PREP: variants seen among roughly 807,000 people sequenced by gnomAD.
PREP encodes dJ355L5.1 (prolyl endopeptidase).
Under a neutral mutation model 87.6 loss-of-function variants are expected in PREP, and 29 were observed. The observed-to-expected ratio is 0.33, with a 90% confidence interval of 0.25 to 0.45. PREP has a LOEUF of 0.45. PREP is among the 20% of genes least tolerant of loss of function. The pLI is 1.00. For missense variants in PREP, 695 were observed against 886.5 expected (o/e 0.78, Z 2.74); for synonymous variants, 337 against 328.6 (o/e 1.03, Z -0.28).
chr6:105,284,302 G>C (rs1407289), intron 12 of PREP, among the ~76,000 whole-genome samples: 3,323 of 152,248 alleles, frequency 0.022, 114 homozygotes, highest in African/African-American at 0.067. Flanking sequence ...GGAGTCTGCT[G>C]TCAGCCCCTG....
intron 2 of PREP, among the ~76,000 whole-genome samples, chr6:105,380,031 G>T (rs1772795229): frequency 6.6e-6 from 1 of 152,186 alleles, no homozygotes; most frequent in Non-Finnish European, 1.5e-5. Flanking sequence ...ATGGCAATTT[G>T]ACATTACTAT....
Position 105,288,828 on chromosome 6 carries a change from A to G in PREP, c.1384T>C (p.Leu462=), listed in dbSNP as rs1770241575. 1 of 1,614,020 alleles carries G rather than the reference A, an allele frequency of 6.2e-7. No homozygotes were observed. The part of the protein sequence containing the change: ...MFIVHKKGIK[L]DGSHPAFLYG... ...AAGAAAGCTGGATGAGAGCCATCCA[A>G]TTTTATGCCTTTTTTATGCACAATG... Residue 462 remains leucine (L), a synonymous_variant, in exon 11 of 15, where the codon TTG becomes CTG. Transcript: ENST00000652536.
At chr6:105,287,370 C>T (rs1049987500) in intron 11 of PREP, among the ~76,000 whole-genome samples, 1 of 152,078 alleles carries the variant, frequency 6.6e-6, no homozygotes. Context: ...ACTAGTTTCC[C>T]TTCATTTACT....
intron 2 of PREP, among the ~76,000 whole-genome samples, chr6:105,383,815 C>T (rs1053257189): frequency 2.0e-5 from 3 of 152,118 alleles, no homozygotes; most frequent in Non-Finnish European, 4.4e-5. Flanking sequence ...GAAATTTTAA[C>T]CCCATTAGGC....
chr6:105,380,338 A>AC (rs1583097508), intron 2 of PREP, among the ~76,000 whole-genome samples: 1 of 152,322 alleles, frequency 6.6e-6, no homozygotes, highest in East Asian at 1.9e-4. Context: ...GAATGAGCTG[A>AC]GGCCAGACGA....
chr6:105,338,518 C>G (rs917867498), intron 7 of PREP, among the ~76,000 whole-genome samples: 2 of 152,208 alleles, frequency 1.3e-5, no homozygotes, highest in African/African-American at 2.4e-5. Flanking sequence ...AACTGAAGTA[C>G]CGGTTCATCT....
intron 10 of PREP, among the ~76,000 whole-genome samples, chr6:105,300,498 C>A (rs1770511967): frequency 6.6e-6 from 1 of 152,098 alleles, no homozygotes; most frequent in South Asian, 2.1e-4. Flanking sequence ...ATAAAGCTAT[C>A]CCAACTTTTT....
chr6:105,317,344 A>G (rs1486987053), intron 10 of PREP, among the ~76,000 whole-genome samples: 2 of 152,160 alleles, frequency 1.3e-5, no homozygotes, highest in African/African-American at 4.8e-5. Context: ...GGATTAGCAT[A>G]GATCTGGAGT....
At chr6:105,338,644 G>C (rs964682993) in intron 7 of PREP, among the ~76,000 whole-genome samples, 33 of 152,206 alleles carry the variant, frequency 2.2e-4, no homozygotes, top group Non-Finnish European at 2.8e-4. Flanking sequence ...CTAGCCAAGG[G>C]AAGCCGTGAC....
In PREP at chr6:105,373,435, C is replaced by A; in HGVS notation, c.529G>T (p.Ala177Ser). The part of the protein sequence containing the change: ...VLERVKFSCM[A>S]WTHDGKGMFY... ...ATTCCCTTCCCATCATGGGTCCAGG[C>A]CATACAGCTGAACTTGACTCTTTCA... The change falls in exon 5 of 15, where the codon GCC becomes TCC. Residue 177 changes from alanine (A) to serine (S), a missense_variant. Physicochemically the swap from Ala to Ser is moderately conservative, Grantham distance 99. Transcript: ENST00000652536. The A allele has an allele frequency of 6.2e-7, 1 of 1,614,230 alleles. No individual in the cohort carries two copies. The highest frequency in any genetic ancestry group is 8.5e-7 in the Non-Finnish European group (1 of 1,180,048).
chr6:105,340,218 A>G lies in PREP; in HGVS notation c.824-6713T>C, dbSNP rs560086780. Reference sequence around the variant, plus strand: ...CTCGGCAGAAACTCTACAAGCCACAAGAGAGTGGGGGCCAATATTCAACAT... The same window carrying G: ...CTCGGCAGAAACTCTACAAGCCACAGGAGAGTGGGGGCCAATATTCAACAT... On this transcript the variant is annotated intron_variant, in intron 7 of 14. Transcript: ENST00000652536. Among the ~76,000 whole-genome samples, 4 of 152,338 alleles carry G rather than the reference A, an allele frequency of 2.6e-5. No individual in the cohort carries two copies. The South Asian group carries it at 6.2e-4, about 24-fold the overall frequency.
chr6:105,389,828 C>T (rs1409753217), intron 2 of PREP, among the ~76,000 whole-genome samples: 2 of 152,050 alleles, frequency 1.3e-5, no homozygotes, highest in African/African-American at 4.8e-5. Context: ...GAAATTGACA[C>T]CAGAAAGAAC....
At chr6:105,279,631 AG>A (rs1035233783) in intron 14 of PREP, among the ~76,000 whole-genome samples, 8 of 152,304 alleles carry the variant, frequency 5.3e-5, no homozygotes, top group African/African-American at 1.9e-4. Context: ...GGCACAGCCC[AG>A]GGGGCGGGGA....
At chr6:105,360,999 G>C (rs1254135904) in intron 6 of PREP, among the ~76,000 whole-genome samples, 1 of 152,054 alleles carries the variant, frequency 6.6e-6, no homozygotes, top group East Asian at 1.9e-4. Flanking sequence ...TGAGTCTTCA[G>C]GGTAAGTATG....
intron 6 of PREP, among the ~76,000 whole-genome samples, chr6:105,363,043 T>C (rs1772295532): frequency 6.6e-6 from 1 of 152,196 alleles, no homozygotes. Flanking sequence ...ACACTTTATA[T>C]GTTAATATAT....
chr6:105,328,749 A>G, intron 9 of PREP, 80 bp downstream of exon 9: 2 of 1,448,650 alleles, frequency 1.4e-6, no homozygotes, highest in Non-Finnish European at 1.9e-6. Context: ...ATAACATAGC[A>G]TTATACTTCC....
chr6:105,341,873 G>T (rs1771661143), intron 7 of PREP, among the ~76,000 whole-genome samples: 2 of 152,104 alleles, frequency 1.3e-5, no homozygotes, highest in African/African-American at 4.8e-5. Flanking sequence ...CTAATAACAG[G>T]CTCTGAAATT....
intron 7 of PREP, among the ~76,000 whole-genome samples, chr6:105,352,497 T>C (rs1771985005): frequency 6.6e-6 from 1 of 152,196 alleles, no homozygotes; most frequent in African/African-American, 2.4e-5. Context: ...CCCTTGCCTG[T>C]GACAGTTTGC....
intron 7 of PREP, among the ~76,000 whole-genome samples, chr6:105,343,893 A>G (rs1264466607): frequency 1.3e-5 from 2 of 152,218 alleles, no homozygotes; most frequent in African/African-American, 4.8e-5. Context: ...GAGGATGTGG[A>G]GAAATAGGAA....
Sources: allele counts gnomAD v4.1 joint callset (sites outside exome capture counted in the v4.1 genomes callset), GRCh38; gene constraint gnomAD v4.1.1; transcripts MANE v1.5; gene names NCBI Gene and HGNC (gene_info 2026-07-23, HGNC 2026-07-21).